The following KATNAL2 variants were observed in gnomAD, a reference collection of about 807,000 sequenced individuals.
KATNAL2 encodes katanin p60 ATPase-containing subunit A-like 2.
KATNAL2 carries 52 observed loss-of-function variants against 76.3 expected under a neutral mutation model. That is an observed-to-expected ratio of 0.68 (90% CI 0.55 to 0.86). The LOEUF (loss-of-function observed/expected upper bound fraction) is 0.86, where lower values mean the gene tolerates loss of function less well. Among genes scored for constraint, KATNAL2 ranks in the 40% least tolerant of loss-of-function variants. The pLI is 0.00. For synonymous variants in KATNAL2, 243 were observed against 244.2 expected (o/e 1.00, Z 0.05); for missense variants, 660 against 668.9 (o/e 0.99, Z 0.15).
chr18:47,034,678 C>G, intron 3 of KATNAL2: 1 of 1,613,442 alleles, frequency 6.2e-7, no homozygotes. Flanking sequence ...GTGAGTGTGG[C>G]CTCTTCCGGG....
At chr18:46,945,002 A>G (rs963609724) in intron 1 of KATNAL2, among the ~76,000 whole-genome samples, 7 of 152,356 alleles carry the variant, frequency 4.6e-5, no homozygotes, top group South Asian at 2.1e-4. Flanking sequence ...GGCATTTCAC[A>G]TAAGGATCCC....
intron 1 of KATNAL2, among the ~76,000 whole-genome samples, chr18:46,937,081 T>C (rs1311262923): frequency 6.6e-6 from 1 of 152,248 alleles, no homozygotes; most frequent in Non-Finnish European, 1.5e-5. Flanking sequence ...TCAGGAAGGC[T>C]GTCATGAGGC....
At chr18:46,943,126 G>A (rs1051535007) in intron 1 of KATNAL2, among the ~76,000 whole-genome samples, 14 of 152,012 alleles carry the variant, frequency 9.2e-5, no homozygotes, top group African/African-American at 1.9e-4. Flanking sequence ...TTCTTTCCGC[G>A]TTTTTTGATG....
intron 15 of KATNAL2, chr18:47,098,284 G>A: frequency 3.4e-6 from 1 of 295,916 alleles, no homozygotes; most frequent in Non-Finnish European, 6.8e-6. Flanking sequence ...CCAAGACTGG[G>A]AAGAAAAAAA....
Position 46,946,327 on chromosome 18 carries a change from T to C in KATNAL2, c.-239T>C, listed in dbSNP as rs2059380514. The C allele has an allele frequency of 4.8e-6, 5 of 1,034,408 alleles. No individual in the cohort carries two copies. The highest frequency in any genetic ancestry group is 5.3e-5 in the Admixed American group (1 of 18,924). The allele number at this position is 1,034,408 out of a possible 1,614,324, so 64.1% of individuals were successfully genotyped here. A position where few individuals can be genotyped will look rare whatever the true frequency, so the allele number is the denominator to read the frequency against. On this transcript the variant is annotated 5_prime_UTR_variant, in exon 2 of 18. Coordinates refer to ENST00000683218, the MANE Select transcript of KATNAL2 (RefSeq NM_001387690.1). ...AAGGGGAAGTTTGGTGATGCACAGTTTGCATCCCAGAAGGCTCTTGACAAC... is the reference window on the plus strand; with the variant it reads ...AAGGGGAAGTTTGGTGATGCACAGTCTGCATCCCAGAAGGCTCTTGACAAC...
In KATNAL2 at chr18:47,098,283, GGAA is replaced by G. The variant is rs145956232; in HGVS notation, c.1212-956_1212-954del. On this transcript the variant is annotated intron_variant, in intron 15 of 17. Transcript: ENST00000683218. ...GCTGGTGAAGACATATCCAAGACTG[GGAA>G]GAAAAAAAAATTAACTGGACTTACA... 0.026 allele frequency: 8,157 copies of G among 314,224 alleles called. 144 individuals are homozygous for G. The highest frequency in any genetic ancestry group is 0.037 in the Non-Finnish European group (5,893 of 159,022). The allele number at this position is 314,224 out of a possible 1,614,324, so 19.5% of individuals were successfully genotyped here. A position where few individuals can be genotyped will look rare whatever the true frequency, so the allele number is the denominator to read the frequency against.
intron 15 of KATNAL2, among the ~76,000 whole-genome samples, chr18:47,086,345 G>C (rs953927121): frequency 1.3e-5 from 2 of 152,042 alleles, no homozygotes; most frequent in Admixed American, 1.3e-4. Flanking sequence ...GTCTCGCTCT[G>C]TTCCCCAGGC....
intron 3 of KATNAL2, among the ~76,000 whole-genome samples, chr18:47,043,245 A>AAAAAAAAAAAAAAAAAG (rs376877321): frequency 1.1e-5 from 1 of 93,176 alleles, no homozygotes; most frequent in Non-Finnish European, 2.1e-5. Context: ...AAAAAAAAAA[A>AAAAAAAAAAAAAAAAAG]GAGATCCTAA....
At chr18:47,069,752 T>C (rs2061931757) in intron 13 of KATNAL2, 152 bp downstream of exon 13, 2 of 567,240 alleles carry the variant, frequency 3.5e-6, no homozygotes, top group Non-Finnish European at 6.2e-6. Flanking sequence ...GGAAATGGAT[T>C]GTCTATTACG....
chr18:47,031,446 G>A (rs1407334723), intron 3 of KATNAL2, among the ~76,000 whole-genome samples: 2 of 152,076 alleles, frequency 1.3e-5, no homozygotes, highest in Admixed American at 6.5e-5. Flanking sequence ...TTGTGGTGGG[G>A]GCGGGGTGTG....
chr18:47,087,244 T>C (rs945457970), intron 15 of KATNAL2, among the ~76,000 whole-genome samples: 3 of 152,214 alleles, frequency 2.0e-5, no homozygotes, highest in Non-Finnish European at 2.9e-5. Context: ...TTATATGCTT[T>C]ATTATTATTT....
intron 8 of KATNAL2, among the ~76,000 whole-genome samples, chr18:47,060,228 C>T (rs1289879789): frequency 2.0e-5 from 3 of 152,104 alleles, no homozygotes; most frequent in African/African-American, 7.2e-5. Flanking sequence ...AACTTCTAGC[C>T]TCAAGCAATC....
intron 10 of KATNAL2, among the ~76,000 whole-genome samples, chr18:47,064,806 C>T (rs2061739617): frequency 6.6e-6 from 1 of 152,092 alleles, no homozygotes; most frequent in Non-Finnish European, 1.5e-5. Context: ...TGAATGCTTA[C>T]AGTGACGGAG....
rs1005079572 is a variant in KATNAL2, at chr18:46,925,008, T to C, written c.-510+7082T>C. On this transcript the variant is annotated intron_variant, in intron 1 of 17. Coordinates refer to ENST00000683218, the MANE Select transcript of KATNAL2 (RefSeq NM_001387690.1). ...CTGAGATGATGGGGTTTTCTAAATA[T>C]ACAATCATGTCATCTGCAAACAGGG... is the stretch of plus-strand genomic sequence containing the variant. Among the ~76,000 whole-genome samples the C allele has an allele frequency of 2.6e-5, 4 of 152,306 alleles. No homozygotes were observed. In the South Asian group the frequency reaches 6.2e-4, roughly 24 times the overall value.
chr18:47,101,825 C>T lies in KATNAL2; in HGVS notation c.*820C>T, dbSNP rs2063443076. 6.6e-6 allele frequency: 1 copy of T among 152,200 alleles called. No individual in the cohort carries two copies. The highest frequency in any genetic ancestry group is 1.5e-5 in the Non-Finnish European group (1 of 68,054). 9.4% of individuals were successfully genotyped at this position (152,200 alleles called of 1,614,324 possible). ...ATCCCAAGTCTTCCCTGCTCTTAGG[C>T]TCTTCCCCCTCTCCTTAAGGGGTTA... On this transcript the variant is annotated 3_prime_UTR_variant, in exon 18 of 18. Coordinates refer to ENST00000683218, the MANE Select transcript of KATNAL2 (RefSeq NM_001387690.1).
intron 1 of KATNAL2, among the ~76,000 whole-genome samples, chr18:46,945,010 C>A (rs2059347008): frequency 6.6e-6 from 1 of 152,174 alleles, no homozygotes; most frequent in African/African-American, 2.4e-5. Context: ...ACATAAGGAT[C>A]CCCAACTTTG....
intron 1 of KATNAL2, among the ~76,000 whole-genome samples, chr18:46,918,611 G>T (rs1241661208): frequency 6.6e-6 from 1 of 152,068 alleles, no homozygotes; most frequent in Non-Finnish European, 1.5e-5. Context: ...TGGTAGAAAC[G>T]AGGTTTCTCC....
At chr18:46,961,796 T>C (rs944466245) in intron 3 of KATNAL2, among the ~76,000 whole-genome samples, 1 of 150,156 alleles carries the variant, frequency 6.7e-6, no homozygotes, top group African/African-American at 2.4e-5. Context: ...TAAATGGCAT[T>C]TTTGATTTGG....
intron 10 of KATNAL2, among the ~76,000 whole-genome samples, chr18:47,064,451 A>C (rs190086741): frequency 2.6e-5 from 4 of 152,320 alleles, no homozygotes; most frequent in Middle Eastern, 3.4e-3. Context: ...TGCTGTGAGC[A>C]GTACCCAGGG....
Sources: gnomAD v4.1 joint callset for allele counts (sites outside exome capture counted in the v4.1 genomes callset) on GRCh38, gnomAD v4.1.1 for gene constraint, MANE v1.5 for transcripts, NCBI Gene and HGNC (gene_info 2026-07-23, HGNC 2026-07-21) for gene names.